Variants in MCPH1 observed in about 807,000 individuals in gnomAD.
MCPH1 encodes the protein microcephalin 1, also known as microcephalin.
MCPH1 carries 104 observed loss-of-function variants against 84.5 expected under a neutral mutation model. The observed-to-expected ratio is 1.23, with a 90% CI of 1.05 to 1.45. The LOEUF is 1.45. Among genes scored for constraint, MCPH1 ranks in the 40% most tolerant of loss-of-function variants. MCPH1 has a pLI of 0.00. For synonymous variants in MCPH1, 514 were observed against 366.8 expected (o/e 1.40, Z -4.58); for missense variants, 1,498 against 1,005.7 (o/e 1.49, Z -6.62).
At chr8:6,471,090 G>C (rs1452491791) in intron 9 of MCPH1, among the ~76,000 whole-genome samples, 2 of 151,906 alleles carry the variant, frequency 1.3e-5, no homozygotes, top group Non-Finnish European at 2.9e-5. Flanking sequence ...TTTTTTGGGG[G>C]GTGACCAACA....
intron 3 of MCPH1, among the ~76,000 whole-genome samples, chr8:6,422,581 T>TTTTTTTTTTTTTTTTTTTTTTTTTTG (rs1800373147): frequency 6.6e-6 from 1 of 152,222 alleles, no homozygotes; most frequent in African/African-American, 2.4e-5. Flanking sequence ...ACTCATTCTC[T>TTTTTTTTTTTTTTTTTTTTTTTTTTG]ATCCCCTTTC....
chr8:6,475,233 C>T (rs938632963), intron 9 of MCPH1, among the ~76,000 whole-genome samples: 1 of 152,216 alleles, frequency 6.6e-6, no homozygotes, highest in Admixed American at 6.5e-5. Flanking sequence ...AGCTAATGAC[C>T]CTGCCCTAAC....
intron 13 of MCPH1, among the ~76,000 whole-genome samples, chr8:6,633,273 T>A (rs1436501813): frequency 6.6e-6 from 1 of 152,226 alleles, no homozygotes; most frequent in East Asian, 1.9e-4. Flanking sequence ...GTCATACAGT[T>A]GTCTACATAG....
At chr8:6,626,766 C>T (rs1253054827) in intron 13 of MCPH1, 1 of 985,138 alleles carries the variant, frequency 1.0e-6, no homozygotes, top group African/African-American at 1.7e-5. Context: ...GAGCTCTGAG[C>T]CCTGGCGCGG....
At chr8:6,458,168 A>G (rs1157157586) in intron 9 of MCPH1, among the ~76,000 whole-genome samples, 2 of 152,156 alleles carry the variant, frequency 1.3e-5, no homozygotes, top group African/African-American at 4.8e-5. Context: ...ATTAAAGACC[A>G]AGGCTTAAAG....
chr8:6,577,232 G>A (rs558800431), intron 12 of MCPH1, among the ~76,000 whole-genome samples: 5 of 152,258 alleles, frequency 3.3e-5, no homozygotes, highest in South Asian at 2.1e-4. Context: ...GCCTCCCTGC[G>A]TGGGGCTTCT....
chr8:6,640,956 G>C (rs1205226171), intron 13 of MCPH1, among the ~76,000 whole-genome samples: 2 of 152,026 alleles, frequency 1.3e-5, no homozygotes, highest in Admixed American at 1.3e-4. Flanking sequence ...TGTGTTTCTG[G>C]TTATTCTCGT....
intron 12 of MCPH1, among the ~76,000 whole-genome samples, chr8:6,510,114 C>T (rs6559165): frequency 0.066 from 10,078 of 151,692 alleles, 414 homozygotes; most frequent in African/African-American, 0.12. Context: ...CAGCAAGGAG[C>T]ATATAAGGGA....
intron 13 of MCPH1, among the ~76,000 whole-genome samples, chr8:6,621,953 T>C (rs994379798): frequency 6.6e-6 from 1 of 151,976 alleles, no homozygotes; most frequent in African/African-American, 2.4e-5. Context: ...GTGTGAAAAA[T>C]CCAGGCTACC....
At chr8:6,620,618 G>A (rs926339528) in intron 12 of MCPH1, among the ~76,000 whole-genome samples, 1 of 152,174 alleles carries the variant, frequency 6.6e-6, no homozygotes, top group Non-Finnish European at 1.5e-5. Context: ...TTCAGATATT[G>A]TAGGAAAAAT....
chr8:6,444,713 C>G lies in MCPH1; in HGVS notation c.991C>G (p.Arg331Gly). The G allele has an allele frequency of 6.2e-7, 1 of 1,614,026 alleles. No homozygotes were observed. Among genetic ancestry groups the G allele is most frequent in the Non-Finnish European group, 8.5e-7 (1 of 1,179,994 alleles). Residue 331 changes from arginine (R) to glycine (G), a missense_variant, in exon 8 of 14, where the codon CGT becomes GGT. Transcript: ENST00000344683. ...MSQETFEEKY[R>G]LSPTLSSTKG... is the part of the protein sequence containing the mutation. ...TCAGGAGACGTTTGAAGAGAAGTAT[C>G]GTTTGTCTCCTACCTTATCTTCAAC...
chr8:6,484,463 A>C (rs1313509969), intron 11 of MCPH1, among the ~76,000 whole-genome samples: 1 of 152,254 alleles, frequency 6.6e-6, no homozygotes, highest in Non-Finnish European at 1.5e-5. Context: ...CCGCTTTGAG[A>C]AACAGTTTGA....
At chr8:6,625,859 TGTCGTAAAC>T in intron 13 of MCPH1, 1 of 985,470 alleles carries the variant, frequency 1.0e-6, no homozygotes, top group Non-Finnish European at 1.2e-6. Flanking sequence ...GTTTTGCAGA[TGTCGTAAAC>T]TCACAGGGGG....
chr8:6,579,969 C>G lies in MCPH1; in HGVS notation c.2215-41485C>G, dbSNP rs543563517. On this transcript the variant is annotated intron_variant, in intron 12 of 13. Transcript: ENST00000344683. ...GCTGCCACCAAGGCCGTGCCCCTGC[C>G]AGAAACTAAATGTGGCTGCCCCATC... Among the ~76,000 whole-genome samples the G allele has an allele frequency of 2.6e-5, 4 of 152,306 alleles. No individual in the cohort carries two copies. The South Asian group carries it at 8.3e-4, about 32-fold the overall frequency.
chr8:6,538,649 A>AT (rs2129573110), intron 12 of MCPH1, among the ~76,000 whole-genome samples: 1 of 152,068 alleles, frequency 6.6e-6, no homozygotes, highest in South Asian at 2.1e-4. Context: ...ACCATCCCCC[A>AT]TTGCATGCCC....
chr8:6,468,049 G>C (rs1807207321), intron 9 of MCPH1, among the ~76,000 whole-genome samples: 1 of 152,066 alleles, frequency 6.6e-6, no homozygotes. Context: ...ACTTAGAGTG[G>C]GTAGTATAAG....
chr8:6,441,872 C>G (rs1416700778), intron 6 of MCPH1, among the ~76,000 whole-genome samples, 195 bp from the exon 7 acceptor site: 1 of 152,218 alleles, frequency 6.6e-6, no homozygotes, highest in East Asian at 1.9e-4. Context: ...AAGACTAGAA[C>G]AGACTGGAAA....
At chr8:6,457,886 C>A (rs1805869320) in intron 9 of MCPH1, among the ~76,000 whole-genome samples, 1 of 152,120 alleles carries the variant, frequency 6.6e-6, no homozygotes, top group Non-Finnish European at 1.5e-5. Context: ...TAGGGTAGTG[C>A]TTCCTGACTG....
At chr8:6,609,787 C>T (rs1053877069) in intron 12 of MCPH1, among the ~76,000 whole-genome samples, 6 of 148,260 alleles carry the variant, frequency 4.0e-5, no homozygotes, top group African/African-American at 1.5e-4. Context: ...TTTATTTTTG[C>T]CGGGAATCTC....
Sources: gnomAD v4.1 joint callset for allele counts (sites outside exome capture counted in the v4.1 genomes callset) on GRCh38, gnomAD v4.1.1 for gene constraint, MANE v1.5 for transcripts, NCBI Gene and HGNC (gene_info 2026-07-23, HGNC 2026-07-21) for gene names.